TRAF2: variants seen among roughly 807,000 people sequenced by gnomAD.
TRAF2 encodes TNF receptor associated factor 2.
Under a neutral mutation model 55.6 loss-of-function variants are expected in TRAF2, and 6 were observed. That is an observed-to-expected ratio of 0.11 (90% CI 0.06 to 0.21). The LOEUF (loss-of-function observed/expected upper bound fraction) is 0.21, where lower values mean the gene tolerates loss of function less well. Ranked by LOEUF, TRAF2 falls within the 10% of genes least tolerant of loss-of-function variation. TRAF2 has a pLI of 1.00. For synonymous variants in TRAF2, 329 were observed against 276.3 expected, an observed-to-expected ratio of 1.19 and a Z score of -1.89; for missense variants, 561 against 684.5, an observed-to-expected ratio of 0.82 and a Z score of 2.01.
chr9:136,895,305 TCCATG>T (rs1034739458), intron 1 of TRAF2, among the ~76,000 whole-genome samples: 1 of 152,120 alleles, frequency 6.6e-6, no homozygotes, highest in African/African-American at 2.4e-5. Flanking sequence ...GGTGGGTGGG[TCCATG>T]CTGCTTTGAG....
chr9:136,905,454 T>C (rs139632586), intron 4 of TRAF2, among the ~76,000 whole-genome samples: 26 of 151,508 alleles, frequency 1.7e-4, no homozygotes, highest in Admixed American at 7.2e-4. Context: ...GAATGGGGAG[T>C]TAGGGTTTAA....
At chr9:136,896,540 G>T (rs1849684075) in intron 1 of TRAF2, among the ~76,000 whole-genome samples, 1 of 152,214 alleles carries the variant, frequency 6.6e-6, no homozygotes, top group Admixed American at 6.5e-5. Context: ...GATAGGGCCA[G>T]CACGTGTGAA....
chr9:136,924,886 G>GCAC (rs995760728), intron 10 of TRAF2, among the ~76,000 whole-genome samples: 10 of 151,950 alleles, frequency 6.6e-5, no homozygotes, highest in African/African-American at 2.4e-4. Flanking sequence ...CTACAGGCAT[G>GCAC]CACCACCACG....
intron 6 of TRAF2, among the ~76,000 whole-genome samples, chr9:136,915,913 TGTGGGTTTG>T (rs557884210): frequency 7.4e-4 from 113 of 152,218 alleles, no homozygotes; most frequent in Middle Eastern, 3.4e-3. Context: ...GTCTGGCATG[TGTGGGTTTG>T]GTTTTCTCAC....
At chr9:136,924,972 T>A (rs12555386) in intron 10 of TRAF2, among the ~76,000 whole-genome samples, 3 of 152,100 alleles carry the variant, frequency 2.0e-5, no homozygotes, top group Non-Finnish European at 4.4e-5. Context: ...CTCCTGACCT[T>A]GTGATCCGCC....
At position 136,906,766 on chromosome 9, in the gene TRAF2, CTG is replaced by C. The variant is rs1047334957; in HGVS notation, c.367-1300_367-1299del. Among the ~76,000 whole-genome samples the C allele has an allele frequency of 5.3e-5, 8 of 152,378 alleles. No homozygotes were observed. In the South Asian group the frequency reaches 1.7e-3, roughly 32 times the overall value. On this transcript the variant is annotated intron_variant, in intron 4 of 10. Transcript: ENST00000247668. ...GGCCTGAGAGTCCTTCTTGACTTCT[CTG>C]TGTTCCTGTAAGCGGCACGTTCAGT...
intron 9 of TRAF2, among the ~76,000 whole-genome samples, chr9:136,922,710 TG>T (rs1221537634): frequency 1.2e-5 from 1 of 82,744 alleles, no homozygotes; most frequent in African/African-American, 4.9e-5. Flanking sequence ...AGGATGGGCC[TG>T]GGCACGTGGT....
chr9:136,923,738 C>CT (rs1255633255), intron 9 of TRAF2, 114 bp from the exon 10 acceptor site: 96 of 1,098,318 alleles, frequency 8.7e-5, no homozygotes, highest in Non-Finnish European at 1.1e-4. Context: ...ACCCCAGAAC[C>CT]TGAATGTTTC....
At chr9:136,903,051 C>T (rs1849858675) in intron 4 of TRAF2, among the ~76,000 whole-genome samples, 1 of 152,160 alleles carries the variant, frequency 6.6e-6, no homozygotes, top group Non-Finnish European at 1.5e-5. Flanking sequence ...ACTGCAGCCT[C>T]CACCTCCCAG....
At chr9:136,924,963 T>C (rs373715393) in intron 10 of TRAF2, among the ~76,000 whole-genome samples, 1 of 152,238 alleles carries the variant, frequency 6.6e-6, no homozygotes, top group Admixed American at 6.5e-5. Flanking sequence ...GGTCTTGATC[T>C]CCTGACCTTG....
Position 136,900,469 on chromosome 9 carries a change from C to T in TRAF2, c.315C>T (p.Ala105=), listed in dbSNP as rs768833371. 1.5e-5 allele frequency: 24 copies of T among 1,612,616 alleles called. No individual in the cohort carries two copies. Among genetic ancestry groups the T allele is most frequent in the African/African-American group, 6.7e-5 (5 of 74,894 alleles). The change falls in exon 4 of 11, where the codon GCC becomes GCT. Residue 105 remains alanine, a synonymous_variant. Transcript: ENST00000247668. ...GCAGGGAGGTGGAGAGCCTGCCGGCCGTCTGTCCCAGTGATGGATGCACCT... is the reference window on the plus strand; with the variant it reads ...GCAGGGAGGTGGAGAGCCTGCCGGCTGTCTGTCCCAGTGATGGATGCACCT... ...AARREVESLP[A]VCPSDGCTWK... is the part of the protein sequence containing the mutation.
intron 6 of TRAF2, among the ~76,000 whole-genome samples, chr9:136,912,231 C>T (rs571554895): frequency 4.4e-4 from 58 of 131,822 alleles, no homozygotes; most frequent in Non-Finnish European, 4.9e-4. Flanking sequence ...GGCGCAATCT[C>T]GGCTCATTGC....
Position 136,898,719 on chromosome 9 carries a change from G to A in TRAF2, c.-22G>A. 1 of 1,612,828 alleles carries A rather than the reference G, an allele frequency of 6.2e-7. No individual in the cohort carries two copies. Among genetic ancestry groups the A allele is most frequent in the Non-Finnish European group, 8.5e-7 (1 of 1,179,980 alleles). Reference sequence around the variant, plus strand: ...GCTGTGTGTTCTTCCTTAGGGCTTTGTTCGCGGGGGTCACAGCTCTCATGG... The same window carrying A: ...GCTGTGTGTTCTTCCTTAGGGCTTTATTCGCGGGGGTCACAGCTCTCATGG... On this transcript the variant is annotated 5_prime_UTR_variant, in exon 2 of 11. Coordinates refer to ENST00000247668, the MANE Select transcript of TRAF2 (RefSeq NM_021138.4).
intron 1 of TRAF2, among the ~76,000 whole-genome samples, chr9:136,887,933 G>C (rs997000008): frequency 6.6e-6 from 1 of 151,948 alleles, no homozygotes; most frequent in Non-Finnish European, 1.5e-5. Context: ...GCAGTGGCTC[G>C]ATCTCGGCTC....
rs756931781 is a variant in TRAF2 at position 136,921,101 on chromosome 9, G to T, written c.1024G>T (p.Val342Phe). 6.2e-7 allele frequency: 1 copy of T among 1,614,104 alleles called. No homozygotes were observed. The highest frequency in any genetic ancestry group is 8.5e-7 in the Non-Finnish European group (1 of 1,180,012). ...GGCGATGGCTGACTTGGAGCAGAAG[G>T]TCTTGGAGATGGAGGCATCCACCTA... ...DLAMADLEQKVLEMEASTYDG... is the reference protein window; with the variant it reads ...DLAMADLEQKFLEMEASTYDG... The change falls in exon 9 of 11, where the codon GTC becomes TTC. Residue 342 changes from valine to phenylalanine, a missense_variant. Val to Phe is a conservative substitution (Grantham distance 50). Coordinates refer to ENST00000247668, the MANE Select transcript of TRAF2 (RefSeq NM_021138.4).
intron 7 of TRAF2, among the ~76,000 whole-genome samples, chr9:136,919,344 A>AC (rs1378242787): frequency 1.5e-5 from 2 of 130,880 alleles, no homozygotes; most frequent in Non-Finnish European, 3.1e-5. Context: ...TGTTGCCCAG[A>AC]CTAGAGTACA....
At position 136,921,134 on chromosome 9, in the gene TRAF2, G is replaced by A; in HGVS notation, c.1057G>A (p.Val353Ile). 1 of 1,614,118 alleles carries A rather than the reference G, an allele frequency of 6.2e-7. No homozygotes were observed. The highest frequency in any genetic ancestry group is 1.1e-5 in the South Asian group (1 of 91,086). ...GATGGAGGCATCCACCTACGATGGG[G>A]TCTTCATCTGGAAGATCTCAGACTT... ...LEMEASTYDG[V>I]FIWKISDFAR... Residue 353 changes from valine to isoleucine, a missense_variant, in exon 9 of 11, where the codon GTC becomes ATC. By Grantham distance (29) the Val-to-Ile change is conservative (BLOSUM62 3). Transcript: ENST00000247668.
At chr9:136,911,669 A>G (rs1382731885) in intron 6 of TRAF2, among the ~76,000 whole-genome samples, 2 of 152,100 alleles carry the variant, frequency 1.3e-5, no homozygotes, top group Non-Finnish European at 2.9e-5. Flanking sequence ...TCCTCAGGGC[A>G]GTCCTGTCTA....
chr9:136,922,932 C>T (rs1024008613), intron 9 of TRAF2, among the ~76,000 whole-genome samples: 5 of 139,042 alleles, frequency 3.6e-5, no homozygotes, highest in East Asian at 4.3e-4. Flanking sequence ...CGGTGGAGGA[C>T]GAGGATGGGG....
Sources: gnomAD v4.1 joint callset for allele counts (sites outside exome capture counted in the v4.1 genomes callset) on GRCh38, gnomAD v4.1.1 for gene constraint, MANE v1.5 for transcripts, NCBI Gene and HGNC (gene_info 2026-07-23, HGNC 2026-07-21) for gene names.